The following LAT2 variants were observed in gnomAD, a reference collection of about 807,000 sequenced individuals.
LAT2 encodes the protein linker for activation of T-cells family member 2.
In LAT2, 23 loss-of-function variants were observed where a neutral mutation model predicts 43.4. The ratio of observed to expected loss-of-function variants is 0.53; its 90% CI spans 0.38 to 0.75. The LOEUF is 0.75. LAT2 is among the 30% of genes least tolerant of loss of function. The pLI is 0.00. For synonymous variants in LAT2, 128 were observed against 123.2 expected, an observed-to-expected ratio of 1.04 and a Z score of -0.26; for missense variants, 284 against 310.2, an observed-to-expected ratio of 0.92 and a Z score of 0.64.
rs1802228462 is a variant in LAT2 at position 74,220,577 on chromosome 7, C to T, written c.266-7C>T. 6.2e-7 allele frequency: 1 copy of T among 1,613,996 alleles called. No individual in the cohort carries two copies. Among genetic ancestry groups the T allele is most frequent in the Non-Finnish European group, 8.5e-7 (1 of 1,179,942 alleles). ...GGAGAAAGCAATTAGCTGGGTCTTT[C>T]TTCCAGATCCAGCATCTTCCAGGTA... On this transcript the variant is annotated splice_region_variant and splice_polypyrimidine_tract_variant and intron_variant, in intron 7 of 13. Coordinates refer to ENST00000460943, the MANE Select transcript of LAT2 (RefSeq NM_032464.3). The surrounding 1 kb of genome is among the most constrained non-coding windows in gnomAD (Gnocchi z 4.5).
rs782599968 is a variant in LAT2, at chr7:74,220,715, G to C, written c.313G>C (p.Gly105Arg). ...GCCTCCTCCCGCAGGAAGCAGACAC[G>C]GGTCGGAGGAAGCCTACATGTGAGT... is the stretch of plus-strand genomic sequence containing the variant. ...YQNFSKGSRH[G>R]SEEAYIDPIA... The change falls in exon 9 of 14, where the codon GGG (glycine) becomes CGG (arginine). Residue 105 changes from glycine (G) to arginine (R), a missense_variant. Physicochemically the swap from Gly to Arg is moderately radical, Grantham distance 125. Coordinates refer to ENST00000460943, the MANE Select transcript of LAT2 (RefSeq NM_032464.3). This position sits in a 1 kb window ranked among gnomAD's most constrained non-coding sequence, Gnocchi z 4.5. 6.2e-6 allele frequency: 10 copies of C among 1,605,926 alleles called. No homozygotes were observed. In the East Asian group the frequency reaches 9.0e-5, roughly 14 times the overall value.
chr7:74,220,456 G>T lies in LAT2; in HGVS notation c.266-128G>T. 7.6e-7 allele frequency: 1 copy of T among 1,323,976 alleles called. No homozygotes were observed. The highest frequency in any genetic ancestry group is 1.2e-5 in the South Asian group (1 of 81,846). The allele number at this position is 1,323,976 out of a possible 1,614,324, so 82.0% of individuals were successfully genotyped here. A position where few individuals can be genotyped will look rare whatever the true frequency, so the allele number is the denominator to read the frequency against. ...GGTGCACACTCGCACATGCCCCACT[G>T]AGGGGACAGGGAGCACTGCAAAGGC... On this transcript the variant is annotated intron_variant, in intron 7 of 13. Transcript: ENST00000460943. The surrounding 1 kb of genome is among the most constrained non-coding windows in gnomAD (Gnocchi z 4.5).
Position 74,223,758 on chromosome 7 carries a change from T to C in LAT2, c.423T>C (p.Ile141=). ...CCAATTCCTACGAGAATGTGCTCAT[T>C]TGCAAGCAGAAAACCACAGAGACAG... ...DDANSYENVL[I]CKQKTTETGA... The change falls in exon 11 of 14, where the codon ATT becomes ATC. Residue 141 remains isoleucine, a synonymous_variant. Transcript: ENST00000460943. 1 of 1,613,842 alleles carries C rather than the reference T, an allele frequency of 6.2e-7. No homozygotes were observed. The highest frequency in any genetic ancestry group is 8.5e-7 in the Non-Finnish European group (1 of 1,179,940).
intron 1 of LAT2, among the ~76,000 whole-genome samples, chr7:74,212,783 C>T (rs1554713343): frequency 6.6e-6 from 1 of 152,164 alleles, no homozygotes; most frequent in Admixed American, 6.5e-5. Context: ...AGTGCCCAGG[C>T]GGGCCATGGG....
intron 3 of LAT2, among the ~76,000 whole-genome samples, chr7:74,216,494 CCT>C (rs1232096292): frequency 1.3e-5 from 2 of 152,146 alleles, no homozygotes; most frequent in African/African-American, 4.8e-5. Flanking sequence ...GCCTCAACCC[CCT>C]GAGTAGCTGG....
intron 3 of LAT2, among the ~76,000 whole-genome samples, chr7:74,216,297 G>A (rs1043757342): frequency 7.9e-5 from 12 of 151,998 alleles, no homozygotes; most frequent in Admixed American, 2.0e-4. Flanking sequence ...TGCCCCAGAC[G>A]AGGGAGGGGA....
At chr7:74,225,591 A>C (rs1802456333) in intron 13 of LAT2, 1 of 152,408 alleles carries the variant, frequency 6.6e-6, no homozygotes, top group Admixed American at 6.5e-5. Context: ...AAAGCCACAG[A>C]GCAGTTAAGC....
intron 1 of LAT2, among the ~76,000 whole-genome samples, chr7:74,214,355 TATATAA>T (rs1195798423): frequency 5.6e-4 from 37 of 66,124 alleles, no homozygotes; most frequent in East Asian, 1.7e-3. Flanking sequence ...TGAAAATATA[TATATAA>T]ATATATATAT....
chr7:74,214,796 T>TTTTTTTTTTTG (rs1801976288), intron 1 of LAT2, 26 bp from the exon 2 acceptor site: 1 of 121,324 alleles, frequency 8.2e-6, no homozygotes, highest in Non-Finnish European at 1.6e-5. Flanking sequence ...TATATATTTT[T>TTTTTTTTTTTG]TTTTTTTTTT....
At chr7:74,216,757 C>T (rs533621961) in intron 3 of LAT2, 68 bp from the exon 4 acceptor site, 15 of 1,348,970 alleles carry the variant, frequency 1.1e-5, no homozygotes, top group South Asian at 4.8e-5. Flanking sequence ...CAAGACATGG[C>T]GGGGGGTGTC....
rs1802380809 is a variant in LAT2, at chr7:74,223,772, CCA to C, written c.440_441del (p.Thr147ArgfsTer41). 8 of 1,613,926 alleles carry C rather than the reference CCA, an allele frequency of 5.0e-6. No individual in the cohort carries two copies. The highest frequency in any genetic ancestry group is 1.1e-5 in the South Asian group (1 of 91,076). On this transcript the variant is annotated frameshift_variant, in exon 11 of 14. Coordinates refer to ENST00000460943, the MANE Select transcript of LAT2 (RefSeq NM_032464.3). LOFTEE classifies it high-confidence loss of function. The stretch of plus-strand genomic sequence containing the variant: ...AATGTGCTCATTTGCAAGCAGAAAA[CCA>C]CAGAGACAGGTGAGGCTGCCCAGCC...
At chr7:74,221,068 G>T (rs1371768771) in intron 9 of LAT2, among the ~76,000 whole-genome samples, 7 of 152,126 alleles carry the variant, frequency 4.6e-5, no homozygotes, top group Non-Finnish European at 7.4e-5. Context: ...TCCCTCGGGG[G>T]TGTTGCATCA....
chr7:74,227,081 G>A (rs1176792233), intron 13 of LAT2, among the ~76,000 whole-genome samples: 10 of 146,366 alleles, frequency 6.8e-5, no homozygotes, highest in African/African-American at 2.0e-4. Flanking sequence ...CGTTCCTGTC[G>A]CCCAGGCTGA....
chr7:74,224,717 G>A lies in LAT2; in HGVS notation c.707G>A (p.Gly236Glu). The part of the protein sequence containing the change: ...EEDGEPDYVN[G>E]EVAATEA Reference sequence around the variant, plus strand: ...GACGGGGAACCGGATTACGTGAATGGGGAGGTGGCAGCCACAGAAGCCTAG... The same window carrying A: ...GACGGGGAACCGGATTACGTGAATGAGGAGGTGGCAGCCACAGAAGCCTAG... Residue 236 changes from glycine (G) to glutamate (E), a missense_variant, in exon 13 of 14, where the codon GGG (glycine) becomes GAG (glutamate). Physicochemically the swap from Gly to Glu is moderately conservative, Grantham distance 98 (BLOSUM62 -2). Transcript: ENST00000460943. 6.2e-7 allele frequency: 1 copy of A among 1,603,588 alleles called. No homozygotes were observed. Among genetic ancestry groups the A allele is most frequent in the Non-Finnish European group, 8.5e-7 (1 of 1,175,340 alleles).
rs782259329 is a variant in LAT2, at chr7:74,221,647, G to T, written c.343G>T (p.Ala115Ser). The change falls in exon 10 of 14, where the codon GCC (alanine) becomes TCC (serine). Residue 115 changes from alanine to serine, a missense_variant. By Grantham distance (99) the Ala-to-Ser change is moderately conservative (BLOSUM62 1). Coordinates refer to ENST00000460943, the MANE Select transcript of LAT2 (RefSeq NM_032464.3). ...TGTTTTCTTGGCCAGAGACCCCATTGCCATGGAGTATTACAACTGGGGGCG... is the reference window on the plus strand; with the variant it reads ...TGTTTTCTTGGCCAGAGACCCCATTTCCATGGAGTATTACAACTGGGGGCG... ...GSEEAYIDPI[A>S]MEYYNWGRFS... 6.2e-7 allele frequency: 1 copy of T among 1,613,464 alleles called. No individual in the cohort carries two copies. The highest frequency in any genetic ancestry group is 8.5e-7 in the Non-Finnish European group (1 of 1,179,672).
intron 13 of LAT2, 192 bp downstream of exon 13, chr7:74,224,952 G>A: frequency 2.1e-6 from 1 of 472,066 alleles, no homozygotes; most frequent in Non-Finnish European, 3.8e-6. Context: ...GGGGCGTCAG[G>A]CAGGGAATTC....
chr7:74,219,334 G>T (rs1802173124), intron 4 of LAT2, among the ~76,000 whole-genome samples: 1 of 152,188 alleles, frequency 6.6e-6, no homozygotes, highest in Non-Finnish European at 1.5e-5. Flanking sequence ...CCAAGTCATT[G>T]CTGGGTCCCT....
chr7:74,219,401 CCT>C (rs1156263132), intron 4 of LAT2, among the ~76,000 whole-genome samples: 1 of 152,174 alleles, frequency 6.6e-6, no homozygotes, highest in African/African-American at 2.4e-5. Context: ...CCTCCACAGC[CCT>C]GTCCACAGAC....
chr7:74,213,421 AT>A (rs1174359277), intron 1 of LAT2, among the ~76,000 whole-genome samples: 4,067 of 103,308 alleles, frequency 0.039, 76 homozygotes, highest in African/African-American at 0.1. Flanking sequence ...GTGCCCGGCC[AT>A]TTTTTTTTTT....
Sources: gnomAD v4.1 joint callset for allele counts (sites outside exome capture counted in the v4.1 genomes callset) on GRCh38, gnomAD v4.1.1 for gene constraint, Gnocchi (gnomAD v3.1) non-coding constraint, MANE v1.5 for transcripts, NCBI Gene and HGNC (gene_info 2026-07-23, HGNC 2026-07-21) for gene names.